Variants in GPRC6A observed in about 807,000 individuals in gnomAD.
The protein encoded by GPRC6A is G protein-coupled receptor class C group 6 member A.
Under a neutral mutation model 47.0 loss-of-function variants are expected in GPRC6A, and 54 were observed. The observed-to-expected ratio is 1.15, with a 90% CI of 0.92 to 1.44. GPRC6A has a LOEUF of 1.44. Ranked by LOEUF, GPRC6A falls within the 40% of genes most tolerant of loss-of-function variation. The pLI, the probability that GPRC6A is intolerant of heterozygous loss-of-function variation, is 0.00. For missense variants in GPRC6A, 1,112 were observed against 1,105.5 expected (o/e 1.01, Z -0.08); for synonymous variants, 347 against 377.1 (o/e 0.92, Z 0.93).
At position 116,792,202 on chromosome 6, in the gene GPRC6A, G is replaced by C; in HGVS notation, c.2721C>G (p.Cys907Trp). The C allele has an allele frequency of 6.2e-7, 1 of 1,613,840 alleles. No individual in the cohort carries two copies. The highest frequency in any genetic ancestry group is 8.5e-7 in the Non-Finnish European group (1 of 1,179,796). ...TAGATACACTTGTGGCATTTTCCCT[G>C]CATATGTGTGCAAATGCTTGTGCCT... ...DLQAQAFAHI[C>W]RENATSVSKT... Residue 907 changes from cysteine to tryptophan, a missense_variant, in exon 6 of 6, where the codon TGC becomes TGG. Physicochemically the swap from Cys to Trp is radical, Grantham distance 215. Coordinates refer to ENST00000310357, the MANE Select transcript of GPRC6A (RefSeq NM_148963.4).
At chr6:116,820,229 C>G (rs1179223411) in intron 1 of GPRC6A, among the ~76,000 whole-genome samples, 2 of 152,054 alleles carry the variant, frequency 1.3e-5, no homozygotes, top group Non-Finnish European at 2.9e-5. Context: ...GTTTACCAAC[C>G]AAAAAGAGTC....
intron 1 of GPRC6A, among the ~76,000 whole-genome samples, chr6:116,815,116 C>T (rs1377330441): frequency 6.6e-6 from 1 of 152,042 alleles, no homozygotes; most frequent in South Asian, 2.1e-4. Context: ...GACTGCAATA[C>T]AATAATAGTG....
At chr6:116,826,223 G>A (rs1773671903) in intron 1 of GPRC6A, among the ~76,000 whole-genome samples, 1 of 151,608 alleles carries the variant, frequency 6.6e-6, no homozygotes, top group Non-Finnish European at 1.5e-5. Flanking sequence ...TCTCTATATA[G>A]GAAAGGAAAC....
chr6:116,808,377 G>T (rs1037885652), intron 2 of GPRC6A, among the ~76,000 whole-genome samples: 1 of 151,968 alleles, frequency 6.6e-6, no homozygotes, highest in African/African-American at 2.4e-5. Context: ...CTTTCCTTAC[G>T]TATCACCTAA....
Position 116,795,836 on chromosome 6 carries a change from C to CATGAATTT in GPRC6A, c.1549-2_1549-1insAAATTCAT. ...CCTTGGAGCATTTAGATTGAATTTG[C>CATGAATTT]TATATTAAAAGTGAAAAAAAAAATC... On this transcript the variant is annotated splice_acceptor_variant, in intron 4 of 5. Coordinates refer to ENST00000310357, the MANE Select transcript of GPRC6A (RefSeq NM_148963.4). LOFTEE classifies it high-confidence loss of function. 6.3e-7 allele frequency: 1 copy of CATGAATTT among 1,581,672 alleles called. No homozygotes were observed. Among genetic ancestry groups the CATGAATTT allele is most frequent in the Admixed American group, 1.8e-5 (1 of 55,964 alleles).
At chr6:116,809,085 T>C (rs1276235764) in intron 2 of GPRC6A, among the ~76,000 whole-genome samples, 1 of 152,222 alleles carries the variant, frequency 6.6e-6, no homozygotes, top group Non-Finnish European at 1.5e-5. Context: ...GCATTCCAAC[T>C]CTGCACTTGC....
chr6:116,819,956 C>T (rs200476457), intron 1 of GPRC6A, among the ~76,000 whole-genome samples: 61 of 148,726 alleles, frequency 4.1e-4, no homozygotes, highest in East Asian at 3.9e-3. Context: ...ATTGATAGAC[C>T]GCTAGCAAGA....
chr6:116,792,158 C>A lies in GPRC6A; in HGVS notation c.2765G>T (p.Arg922Ile). 6.2e-7 allele frequency: 1 copy of A among 1,612,676 alleles called. No homozygotes were observed. Among genetic ancestry groups the A allele is most frequent in the Non-Finnish European group, 8.5e-7 (1 of 1,179,146 alleles). Residue 922 changes from arginine (R) to isoleucine (I), a missense_variant, in exon 6 of 6, where the codon AGA (arginine) becomes ATA (isoleucine). Arg to Ile is a moderately conservative substitution (Grantham distance 97). Transcript: ENST00000310357. ...AAGGCTTATTCATATACTTGACATT[C>A]TTTTTCGAGGCAAAGTTTTAGATAC... is the stretch of plus-strand genomic sequence containing the variant. ...TSVSKTLPRK[R>I]MSSI
chr6:116,817,996 G>A (rs1156663965), intron 1 of GPRC6A, among the ~76,000 whole-genome samples: 1 of 152,032 alleles, frequency 6.6e-6, no homozygotes, highest in African/African-American at 2.4e-5. Context: ...ATCTAGCAAG[G>A]CAGGCCAATG....
chr6:116,826,518 A>G (rs1265127904), intron 1 of GPRC6A, among the ~76,000 whole-genome samples: 1 of 151,926 alleles, frequency 6.6e-6, no homozygotes, highest in African/African-American at 2.4e-5. Flanking sequence ...GCTATTACTA[A>G]AAAGACAAAA....
intron 3 of GPRC6A, among the ~76,000 whole-genome samples, chr6:116,801,301 C>G (rs748569095): frequency 6.6e-5 from 10 of 152,106 alleles, no homozygotes; most frequent in Non-Finnish European, 1.5e-4. Flanking sequence ...GGATAAATTA[C>G]CTGTCTTGCT....
chr6:116,803,883 A>G (rs1181350260), intron 3 of GPRC6A, among the ~76,000 whole-genome samples: 1 of 152,068 alleles, frequency 6.6e-6, no homozygotes, highest in Non-Finnish European at 1.5e-5. Context: ...TGTTTATGTG[A>G]AACACTGTAG....
chr6:116,826,573 CAGA>C (rs1773685654), intron 1 of GPRC6A, among the ~76,000 whole-genome samples: 4 of 151,362 alleles, frequency 2.6e-5, no homozygotes, highest in African/African-American at 9.7e-5. Flanking sequence ...CAAGGAGATG[CAGA>C]AGAGGGAACT....
intron 1 of GPRC6A, among the ~76,000 whole-genome samples, chr6:116,815,578 G>A (rs78556948): frequency 1.9e-3 from 295 of 152,252 alleles, no homozygotes; most frequent in African/African-American, 6.9e-3. Flanking sequence ...ATTCTTCTCA[G>A]TGCATGGAAC....
Position 116,809,237 on chromosome 6 carries a change from T to G in GPRC6A, c.498+77A>C. 7.7e-6 allele frequency: 9 copies of G among 1,166,524 alleles called. 1 individual carries two copies. In the South Asian group the frequency reaches 1.3e-4, roughly 17 times the overall value. The allele number at this position is 1,166,524 out of a possible 1,614,324, so 72.3% of individuals were successfully genotyped here. On this transcript the variant is annotated intron_variant, in intron 2 of 5. Coordinates refer to ENST00000310357, the MANE Select transcript of GPRC6A (RefSeq NM_148963.4). ...AAAGTAAAAGTGACTCCCTAACTAGTTTCCTCAGGTTTCCCTGATCCTTTC... is the reference window on the plus strand; with the variant it reads ...AAAGTAAAAGTGACTCCCTAACTAGGTTCCTCAGGTTTCCCTGATCCTTTC...
At chr6:116,819,544 A>G (rs866386528) in intron 1 of GPRC6A, among the ~76,000 whole-genome samples, 166 of 152,294 alleles carry the variant, frequency 1.1e-3, no homozygotes, top group African/African-American at 3.9e-3. Context: ...AGAACTCAGG[A>G]TTAAGAATCT....
intron 1 of GPRC6A, among the ~76,000 whole-genome samples, chr6:116,811,105 T>C (rs1354777157): frequency 5.3e-5 from 8 of 152,160 alleles, no homozygotes; most frequent in Non-Finnish European, 1.2e-4. Flanking sequence ...ACTGGCTTAC[T>C]TGGCATCCCA....
chr6:116,809,200 G>GAAAGA, intron 2 of GPRC6A, 114 bp downstream of exon 2: 2 of 766,416 alleles, frequency 2.6e-6, no homozygotes, highest in Non-Finnish European at 4.2e-6. Context: ...TAACTAAAGA[G>GAAAGA]AAAGAAAAGT....
At chr6:116,809,128 G>A (rs1355985413) in intron 2 of GPRC6A, among the ~76,000 whole-genome samples, 186 bp downstream of exon 2, 1 of 152,176 alleles carries the variant, frequency 6.6e-6, no homozygotes, top group African/African-American at 2.4e-5. Flanking sequence ...GATAGACTGA[G>A]GGGTAATTAC....
Sources: allele counts gnomAD v4.1 joint callset (sites outside exome capture counted in the v4.1 genomes callset), GRCh38; gene constraint gnomAD v4.1.1; transcripts MANE v1.5; gene names NCBI Gene and HGNC (gene_info 2026-07-23, HGNC 2026-07-21).